Variants in ARMC9 observed in about 807,000 individuals in gnomAD.
ARMC9 encodes armadillo repeat containing 9.
In ARMC9, 94 loss-of-function variants were observed where a neutral mutation model predicts 107.0. The ratio of observed to expected loss-of-function variants is 0.88; its 90% confidence interval spans 0.74 to 1.04. The LOEUF is 1.04. Ranked by LOEUF, ARMC9 falls within the 50% of genes least tolerant of loss-of-function variation. ARMC9 has a pLI of 0.00. For missense variants in ARMC9, 942 were observed against 1,030.1 expected, an observed-to-expected ratio of 0.91 and a Z score of 1.17; for synonymous variants, 380 against 396.9, an observed-to-expected ratio of 0.96 and a Z score of 0.51.
intron 14 of ARMC9, among the ~76,000 whole-genome samples, chr2:231,274,340 A>T (rs1342939730): frequency 6.6e-6 from 1 of 151,744 alleles, no homozygotes; most frequent in African/African-American, 2.4e-5. Context: ...CTGGTCTCGA[A>T]CTCCTAACCT....
At chr2:231,337,688 T>C (rs1448838652) in intron 20 of ARMC9, among the ~76,000 whole-genome samples, 1 of 152,110 alleles carries the variant, frequency 6.6e-6, no homozygotes, top group Non-Finnish European at 1.5e-5. Flanking sequence ...CAGGCTGGTC[T>C]CGAACTCCTG....
intron 2 of ARMC9, among the ~76,000 whole-genome samples, chr2:231,207,880 A>G (rs2032258599): frequency 6.6e-6 from 1 of 152,174 alleles, no homozygotes; most frequent in South Asian, 2.1e-4. Flanking sequence ...TTTTCTCCAC[A>G]TCCTTGCCAA....
intron 6 of ARMC9, among the ~76,000 whole-genome samples, chr2:231,223,239 T>G (rs1370748704): frequency 6.6e-6 from 1 of 152,220 alleles, no homozygotes; most frequent in Non-Finnish European, 1.5e-5. Context: ...TTTATTGAGG[T>G]GTAAATTTAC....
intron 23 of ARMC9, among the ~76,000 whole-genome samples, chr2:231,363,840 C>T (rs1056326078): frequency 7.1e-6 from 1 of 140,944 alleles, no homozygotes; most frequent in African/African-American, 2.6e-5. Flanking sequence ...GCCGAGATCG[C>T]ACCACTGCAC....
chr2:231,376,814 T>C lies in ARMC9; in HGVS notation c.*5279T>C, dbSNP rs2046210867. On this transcript the variant is annotated 3_prime_UTR_variant, in exon 25 of 25. Transcript: ENST00000611582. ...GGGCATCACGGATCCTACCAACGTG[T>C]GATGTCTCCCCCGGACACCCAGCTT... Among the ~76,000 whole-genome samples, 1 of 152,138 alleles carries C rather than the reference T, an allele frequency of 6.6e-6. No homozygotes were observed. The highest frequency in any genetic ancestry group is 1.5e-5 in the Non-Finnish European group (1 of 68,036).
rs554716026 is a variant in ARMC9 at position 231,312,074 on chromosome 2, TA to T, written c.1773+15827del. 3.2e-3 allele frequency among the ~76,000 whole-genome samples: 490 copies of T among 152,288 alleles called. 4 individuals carry two copies. The highest frequency in any genetic ancestry group is 7.5e-3 in the South Asian group (36 of 4,824). On this transcript the variant is annotated intron_variant, in intron 19 of 24. Coordinates refer to ENST00000611582, the MANE Select transcript of ARMC9 (RefSeq NM_001352754.2). ...AAAACTACCCCAAATCTTAGTGGCT[TA>T]AAAAACAATAATATTTTCCTCCCAA...
At chr2:231,287,993 G>A (rs1206033601) in intron 17 of ARMC9, among the ~76,000 whole-genome samples, 1 of 152,212 alleles carries the variant, frequency 6.6e-6, no homozygotes, top group Non-Finnish European at 1.5e-5. Flanking sequence ...GCTTCGAATC[G>A]TGTTCCACCA....
chr2:231,216,747 T>C lies in ARMC9; in HGVS notation c.458T>C (p.Phe153Ser), dbSNP rs774495112. 6.2e-7 allele frequency: 1 copy of C among 1,614,122 alleles called. No individual in the cohort carries two copies. The highest frequency in any genetic ancestry group is 1.7e-5 in the Admixed American group (1 of 60,020). Residue 153 changes from phenylalanine (F) to serine (S), a missense_variant, in exon 5 of 25, where the codon TTT (phenylalanine) becomes TCT (serine). Physicochemically the swap from Phe to Ser is radical, Grantham distance 155 (BLOSUM62 -2). Coordinates refer to ENST00000611582, the MANE Select transcript of ARMC9 (RefSeq NM_001352754.2). ...TEFLPFYALPFVPNPMVHPSF... is the reference protein window; with the variant it reads ...TEFLPFYALPSVPNPMVHPSF... ...TTTCTTCCTTTCTATGCCCTTCCTT[T>C]TGTTCCCAACCCTATGGTGCACCCC...
chr2:231,343,311 C>A (rs1170785552), intron 20 of ARMC9, among the ~76,000 whole-genome samples: 1 of 150,906 alleles, frequency 6.6e-6, no homozygotes, highest in Non-Finnish European at 1.5e-5. Context: ...CCCTTTTTTT[C>A]TTCCTCTCCC....
chr2:231,216,429 A>G (rs1230720205), intron 4 of ARMC9, among the ~76,000 whole-genome samples: 2 of 152,212 alleles, frequency 1.3e-5, no homozygotes, highest in Non-Finnish European at 2.9e-5. Context: ...TGAACTGTAT[A>G]TATAGTTGTC....
chr2:231,217,090 C>T (rs1292134801), intron 5 of ARMC9, among the ~76,000 whole-genome samples: 1 of 152,028 alleles, frequency 6.6e-6, no homozygotes, highest in Admixed American at 6.5e-5. Flanking sequence ...CAATTGTACA[C>T]CAACAGGAGC....
chr2:231,247,608 C>G (rs1055780043), intron 9 of ARMC9, among the ~76,000 whole-genome samples: 11 of 152,344 alleles, frequency 7.2e-5, no homozygotes, highest in Non-Finnish European at 1.6e-4. Flanking sequence ...CTGTTGCATA[C>G]CCAGACCAAC....
Position 231,296,182 on chromosome 2 carries a change from C to CT in ARMC9, c.1718-9dup, listed in dbSNP as rs777998375. ...ACTGTTTATCCATTATTCATTGATT[C>CT]TTTTTTTCTTTATAGAAGAGCTACC... On this transcript the variant is annotated splice_polypyrimidine_tract_variant and intron_variant, in intron 18 of 24. Coordinates refer to ENST00000611582, the MANE Select transcript of ARMC9 (RefSeq NM_001352754.2). 1.9e-6 allele frequency: 3 copies of CT among 1,602,918 alleles called. No individual in the cohort carries two copies. The highest frequency in any genetic ancestry group is 1.7e-4 in the Middle Eastern group (1 of 6,036).
intron 21 of ARMC9, chr2:231,345,346 G>A (rs1452983798): frequency 1.8e-6 from 1 of 556,340 alleles, no homozygotes; most frequent in Non-Finnish European, 2.8e-6. Context: ...GTTGGCCAGA[G>A]TAATTTCAAA....
intron 20 of ARMC9, among the ~76,000 whole-genome samples, chr2:231,340,480 C>G (rs1305811925): frequency 2.6e-5 from 4 of 152,192 alleles, no homozygotes; most frequent in Non-Finnish European, 5.9e-5. Context: ...TGATTATTCA[C>G]AAATACTCTA....
intron 16 of ARMC9, 43 bp downstream of exon 16, chr2:231,278,501 A>G: frequency 6.3e-7 from 1 of 1,584,214 alleles, no homozygotes; most frequent in African/African-American, 1.3e-5. Context: ...GGGAGGCTAC[A>G]CTGGGGACCC....
rs1268475724 is a variant in ARMC9, at chr2:231,369,813, C to CT, written c.2262-139dup. On this transcript the variant is annotated intron_variant, in intron 23 of 24. Coordinates refer to ENST00000611582, the MANE Select transcript of ARMC9 (RefSeq NM_001352754.2). ...TTCACCATGTTGGCCAGGCTGGTCT[C>CT]TAACTCCTGACTTCAGGTGATTTGT... 3.0e-5 allele frequency: 29 copies of CT among 963,444 alleles called. No homozygotes were observed. In the Admixed American group the frequency reaches 6.2e-4, roughly 20 times the overall value. 59.7% of individuals were successfully genotyped at this position (963,444 alleles called of 1,614,324 possible).
At chr2:231,327,558 A>G (rs944167381) in intron 19 of ARMC9, among the ~76,000 whole-genome samples, 3 of 152,108 alleles carry the variant, frequency 2.0e-5, no homozygotes, top group African/African-American at 7.2e-5. Context: ...TATGTACCAC[A>G]TTTGTTTACC....
At chr2:231,359,060 G>T (rs2045457478) in intron 22 of ARMC9, among the ~76,000 whole-genome samples, 1 of 145,744 alleles carries the variant, frequency 6.9e-6, no homozygotes, top group African/African-American at 2.7e-5. Flanking sequence ...GCTCCTGGCT[G>T]TCTTAGTTAG....
Sources: gnomAD v4.1 joint callset for allele counts (sites outside exome capture counted in the v4.1 genomes callset) on GRCh38, gnomAD v4.1.1 for gene constraint, MANE v1.5 for transcripts, NCBI Gene and HGNC (gene_info 2026-07-23, HGNC 2026-07-21) for gene names.